Variants in CDH20 observed in about 807,000 individuals in gnomAD.
CDH20 encodes the protein cadherin 20.
CDH20 carries 29 observed loss-of-function variants against 74.2 expected under a neutral mutation model. That is an observed-to-expected ratio of 0.39 (90% confidence interval 0.29 to 0.53). CDH20 has a LOEUF of 0.53. CDH20 is among the 20% of genes least tolerant of loss of function. The pLI is 0.69. For missense variants in CDH20, 988 were observed against 1,048.3 expected (o/e 0.94, Z 0.79); for synonymous variants, 469 against 405.4 (o/e 1.16, Z -1.88).
chr18:61,430,993 C>A (rs536444414), intron 1 of CDH20, among the ~76,000 whole-genome samples: 3 of 152,094 alleles, frequency 2.0e-5, no homozygotes, highest in Non-Finnish European at 4.4e-5. Flanking sequence ...ATCTCTCAAG[C>A]GACAGAGATA....
At chr18:61,552,263 A>ATTCTATAGGC (rs1913463414) in intron 11 of CDH20, among the ~76,000 whole-genome samples, 1 of 152,074 alleles carries the variant, frequency 6.6e-6, no homozygotes, top group African/African-American at 2.4e-5. Flanking sequence ...ACGAAGAATA[A>ATTCTATAGGC]ACCATCCCTA....
At position 61,507,467 on chromosome 18, in the gene CDH20, G is replaced by GA. The variant is rs1911612244; in HGVS notation, c.925dup (p.Met309AsnfsTer15). On this transcript the variant is annotated frameshift_variant, in exon 6 of 12. Coordinates refer to ENST00000262717, the MANE Select transcript of CDH20 (RefSeq NM_031891.4). LOFTEE classifies it high-confidence loss of function. Reference sequence around the variant, plus strand: ...ACTTGGATGAAGGCATCAATGCAGAGATGAAATATACTATTGTGGATGGAG... The same window carrying GA: ...ACTTGGATGAAGGCATCAATGCAGAGAATGAAATATACTATTGTGGATGGAG... The GA allele has an allele frequency of 1.2e-6, 2 of 1,613,940 alleles. No individual in the cohort carries two copies. The highest frequency in any genetic ancestry group is 1.7e-6 in the Non-Finnish European group (2 of 1,179,958).
chr18:61,543,390 T>C (rs931735205), intron 9 of CDH20, among the ~76,000 whole-genome samples: 3 of 152,166 alleles, frequency 2.0e-5, no homozygotes, highest in Admixed American at 1.3e-4. Context: ...GTCTGTGCTG[T>C]TGCTTGGTAG....
At chr18:61,538,782 C>T (rs980652895) in intron 8 of CDH20, among the ~76,000 whole-genome samples, 40 of 151,494 alleles carry the variant, frequency 2.6e-4, no homozygotes, top group Non-Finnish European at 2.9e-4. Context: ...CCACGCCTGG[C>T]TAATTTTTTG....
rs1006282537 is a variant in CDH20 at position 61,525,964 on chromosome 18, A to ATTT, written c.1018-1980_1018-1978dup. Among the ~76,000 whole-genome samples the ATTT allele has an allele frequency of 5.9e-3, 498 of 84,334 alleles. 4 individuals are homozygous for ATTT. Among genetic ancestry groups the ATTT allele is most frequent in the African/African-American group, 9.8e-3 (177 of 17,992 alleles). The allele number at this position is 84,334 out of a possible 152,430, so 55.3% of individuals were successfully genotyped here. On this transcript the variant is annotated intron_variant, in intron 6 of 11. Coordinates refer to ENST00000262717, the MANE Select transcript of CDH20 (RefSeq NM_031891.4). The stretch of plus-strand genomic sequence containing the variant: ...AGGCACATGCCACCACACCCAGCTA[A>ATTT]TTTTTTTTTTTTTTTTTTTTTTTTT...
At chr18:61,424,805 T>G (rs1429621446) in intron 1 of CDH20, among the ~76,000 whole-genome samples, 1 of 152,190 alleles carries the variant, frequency 6.6e-6, no homozygotes, top group East Asian at 1.9e-4. Flanking sequence ...TTCCTTCATA[T>G]TTTTGTTTTC....
chr18:61,442,847 G>A (rs1360835881), intron 1 of CDH20, among the ~76,000 whole-genome samples: 1 of 152,030 alleles, frequency 6.6e-6, no homozygotes, highest in East Asian at 1.9e-4. Flanking sequence ...ATGGCACACA[G>A]ATCTGGCCTT....
intron 11 of CDH20, among the ~76,000 whole-genome samples, chr18:61,551,311 T>C (rs887983012): frequency 6.6e-6 from 1 of 152,202 alleles, no homozygotes; most frequent in African/African-American, 2.4e-5. Context: ...GATACTAGTA[T>C]TATTCAATAC....
At chr18:61,480,444 T>C (rs1399109721) in intron 1 of CDH20, among the ~76,000 whole-genome samples, 1 of 152,182 alleles carries the variant, frequency 6.6e-6, no homozygotes, top group East Asian at 1.9e-4. Context: ...GAGACATCAA[T>C]CAATTTATGT....
chr18:61,454,117 G>A (rs2439787), intron 1 of CDH20, among the ~76,000 whole-genome samples: 2,822 of 152,152 alleles, frequency 0.019, 42 homozygotes, highest in Middle Eastern at 0.034. Context: ...TTGGTGATAC[G>A]TTTCTTCATG....
chr18:61,539,263 CAG>C, intron 9 of CDH20, 118 bp downstream of exon 9: 1 of 989,902 alleles, frequency 1.0e-6, no homozygotes, highest in African/African-American at 1.6e-5. Flanking sequence ...GTTCACAAAA[CAG>C]AGTCCCTAAT....
intron 1 of CDH20, among the ~76,000 whole-genome samples, chr18:61,370,797 T>G (rs1156920370): frequency 6.6e-6 from 1 of 152,154 alleles, no homozygotes. Flanking sequence ...ATTAATATTT[T>G]CTTTGCAATA....
chr18:61,358,222 C>T (rs1416032506), intron 1 of CDH20, among the ~76,000 whole-genome samples: 1 of 150,706 alleles, frequency 6.6e-6, no homozygotes, highest in East Asian at 2.0e-4. Flanking sequence ...TCACGCCATT[C>T]TCCTGCCTCA....
chr18:61,414,743 T>C (rs1398043877), intron 1 of CDH20, among the ~76,000 whole-genome samples: 1 of 152,066 alleles, frequency 6.6e-6, no homozygotes, highest in Non-Finnish European at 1.5e-5. Flanking sequence ...ATGTACATGA[T>C]TGTCAGAGAA....
intron 1 of CDH20, among the ~76,000 whole-genome samples, chr18:61,341,637 A>G (rs572800860): frequency 1.3e-5 from 2 of 152,354 alleles, no homozygotes; most frequent in East Asian, 1.9e-4. Flanking sequence ...TACCTCATTG[A>G]AAGCAAGCAC....
chr18:61,546,301 G>A (rs547909537), intron 10 of CDH20, among the ~76,000 whole-genome samples: 76 of 152,278 alleles, frequency 5.0e-4, no homozygotes, highest in Non-Finnish European at 7.2e-4. Flanking sequence ...AACCCCACAT[G>A]ACAGTTTTCT....
At position 61,489,623 on chromosome 18, in the gene CDH20, C is replaced by A. The variant is rs149293523; in HGVS notation, c.-152-779C>A. ...TAGAAGTCCTTTTCCCTAAATGAGT[C>A]CTTCAGGTCAAGAAAGGAGATTTGT... On this transcript the variant is annotated intron_variant, in intron 1 of 11. Transcript: ENST00000262717. Among the ~76,000 whole-genome samples, 508 of 151,738 alleles carry A rather than the reference C, an allele frequency of 3.3e-3. 9 individuals carry two copies. Among genetic ancestry groups the A allele is most frequent in the Middle Eastern group, 0.024 (7 of 294 alleles).
chr18:61,461,062 T>C (rs1290025127), intron 1 of CDH20, among the ~76,000 whole-genome samples: 1 of 152,150 alleles, frequency 6.6e-6, no homozygotes, highest in African/African-American at 2.4e-5. Flanking sequence ...ATAGCAATTT[T>C]GCATTTTGTG....
chr18:61,436,055 C>T (rs1480938808), intron 1 of CDH20, among the ~76,000 whole-genome samples: 4 of 152,082 alleles, frequency 2.6e-5, no homozygotes, highest in South Asian at 4.1e-4. Flanking sequence ...TAATTCTTAA[C>T]GTAATGTTTT....
Sources: gnomAD v4.1 joint callset for allele counts (sites outside exome capture counted in the v4.1 genomes callset) on GRCh38, gnomAD v4.1.1 for gene constraint, MANE v1.5 for transcripts, NCBI Gene and HGNC (gene_info 2026-07-23, HGNC 2026-07-21) for gene names.